Variants in BAALC observed in about 807,000 individuals in gnomAD.
BAALC encodes BAALC binder of MAP3K1 and KLF4.
BAALC carries 9 observed loss-of-function variants against 15.5 expected under a neutral mutation model. The observed-to-expected ratio is 0.58, with a 90% CI of 0.35 to 1.02. The LOEUF (loss-of-function observed/expected upper bound fraction) is 1.02, where lower values mean the gene tolerates loss of function less well. Among genes scored for constraint, BAALC ranks in the 50% least tolerant of loss-of-function variants. The probability of loss-of-function intolerance (pLI) is 0.02; values close to 1 mark genes in which losing one functional copy is unlikely to be tolerated. For synonymous variants in BAALC, 80 were observed against 74.6 expected (o/e 1.07, Z -0.37); for missense variants, 201 against 192.4 (o/e 1.04, Z -0.27).
chr8:103,166,118 T>G (rs984180515), intron 1 of BAALC: 7 of 152,658 alleles, frequency 4.6e-5, no homozygotes, highest in African/African-American at 1.7e-4. Flanking sequence ...CAGCGCAGGA[T>G]GAGGACATGT....
intron 1 of BAALC, among the ~76,000 whole-genome samples, chr8:103,203,812 C>T (rs1024119254): frequency 6.6e-6 from 1 of 151,948 alleles, no homozygotes; most frequent in African/African-American, 2.4e-5. Context: ...ACATAAAATA[C>T]TTTATTTATC....
chr8:103,203,338 T>C (rs1812259868), intron 1 of BAALC, among the ~76,000 whole-genome samples: 1 of 152,260 alleles, frequency 6.6e-6, no homozygotes, highest in Admixed American at 6.5e-5. Context: ...CCTTGATCAT[T>C]GCTGTTCAAA....
chr8:103,228,067 A>G lies in BAALC; in HGVS notation c.406A>G (p.Ser136Gly). 1.2e-6 allele frequency: 2 copies of G among 1,613,484 alleles called. No homozygotes were observed. The highest frequency in any genetic ancestry group is 1.7e-6 in the Non-Finnish European group (2 of 1,179,582). Residue 136 changes from serine (S) to glycine (G), a missense_variant, in exon 3 of 3, where the codon AGT becomes GGT. Ser to Gly is a moderately conservative substitution (Grantham distance 56). Transcript: ENST00000309982. ...VTDSIQQMDR[S>G]RRITKNCVN ...AGATAGCATCCAACAGATGGACAGA[A>G]GTCGAAGAATCACAAAGAACTGTGT... is the stretch of plus-strand genomic sequence containing the variant.
At chr8:103,143,485 G>A (rs1365677545) in intron 1 of BAALC, among the ~76,000 whole-genome samples, 1 of 152,166 alleles carries the variant, frequency 6.6e-6, no homozygotes, top group East Asian at 1.9e-4. Flanking sequence ...AGTCCAGACT[G>A]TGAAATCAAC....
intron 1 of BAALC, chr8:103,183,458 C>T: frequency 1.4e-6 from 1 of 702,970 alleles, no homozygotes; most frequent in Non-Finnish European, 2.6e-6. Flanking sequence ...AGCATGGCCA[C>T]ACACCATGTA....
chr8:103,160,067 T>G (rs1811187669), intron 1 of BAALC, among the ~76,000 whole-genome samples: 1 of 152,204 alleles, frequency 6.6e-6, no homozygotes, highest in South Asian at 2.1e-4. Context: ...ACATTATAAG[T>G]AAGAAACTAA....
chr8:103,200,982 G>A (rs1812202696), intron 1 of BAALC, among the ~76,000 whole-genome samples: 3 of 152,040 alleles, frequency 2.0e-5, no homozygotes, highest in African/African-American at 7.2e-5. Context: ...AAAAATTCCA[G>A]TGACTAAGAA....
chr8:103,140,917 G>A lies in BAALC; in HGVS notation c.20G>A (p.Arg7Gln). ...AGGAGGATGGGCTGCGGCGGGAGCC[G>A]GGCGGATGCCATCGAGCCCCGCTAC... MGCGGS[R>Q]ADAIEPRYYE... The change falls in exon 1 of 3, where the codon CGG (arginine) becomes CAG (glutamine). Residue 7 changes from arginine to glutamine, a missense_variant. Physicochemically the swap from Arg to Gln is conservative, Grantham distance 43. Coordinates refer to ENST00000309982, the MANE Select transcript of BAALC (RefSeq NM_024812.3). This position sits in a 1 kb window ranked among gnomAD's most constrained non-coding sequence, Gnocchi z 4.2. The A allele has an allele frequency of 2.6e-6, 4 of 1,519,850 alleles. No homozygotes were observed. The highest frequency in any genetic ancestry group is 2.8e-5 in the East Asian group (1 of 36,216). 94.1% of individuals were successfully genotyped at this position (1,519,850 alleles called of 1,614,324 possible).
intron 1 of BAALC, among the ~76,000 whole-genome samples, chr8:103,164,304 T>C (rs1241075158): frequency 6.6e-6 from 1 of 152,126 alleles, no homozygotes; most frequent in African/African-American, 2.4e-5. Flanking sequence ...AGGATGTCTG[T>C]AAGGAGGTAG....
At chr8:103,182,948 T>C (rs1235656207) in intron 1 of BAALC, among the ~76,000 whole-genome samples, 1 of 152,114 alleles carries the variant, frequency 6.6e-6, no homozygotes, top group East Asian at 1.9e-4. Flanking sequence ...GGCAACACCA[T>C]TCAGAGGCAG....
At chr8:103,145,662 T>C (rs1285530179) in intron 1 of BAALC, among the ~76,000 whole-genome samples, 5 of 152,272 alleles carry the variant, frequency 3.3e-5, no homozygotes, top group African/African-American at 1.2e-4. Flanking sequence ...ATTAAGCTTA[T>C]GATTAGTTAA....
In BAALC at chr8:103,226,183, G is replaced by A. The variant is rs74812007; in HGVS notation, c.328-1806G>A. Among the ~76,000 whole-genome samples the A allele has an allele frequency of 1.2e-3, 184 of 152,312 alleles. 1 individual carries two copies. The highest frequency in any genetic ancestry group is 0.011 in the East Asian group (57 of 5,180). ...CAGGATGTTAGGAAGTGCCCTTGAG[G>A]CCAACGCCTGTGGAAAGGGATGATG... On this transcript the variant is annotated intron_variant, in intron 2 of 2. Transcript: ENST00000309982.
chr8:103,196,839 G>A (rs1042406998), intron 1 of BAALC, among the ~76,000 whole-genome samples: 10 of 152,202 alleles, frequency 6.6e-5, no homozygotes, highest in African/African-American at 2.4e-4. Context: ...AATGAGCCTC[G>A]TGGTGGCTTC....
At chr8:103,165,502 T>C (rs993741166) in intron 1 of BAALC, 1 of 152,160 alleles carries the variant, frequency 6.6e-6, no homozygotes, top group Non-Finnish European at 1.5e-5. Flanking sequence ...GGAAGAAGCT[T>C]GGAGCTGAAA....
chr8:103,160,790 G>A (rs543237295), intron 1 of BAALC, among the ~76,000 whole-genome samples: 13 of 152,222 alleles, frequency 8.5e-5, no homozygotes, highest in South Asian at 4.2e-4. Context: ...CACCCAGCAC[G>A]GGAGAAAGAT....
At chr8:103,184,997 G>A (rs1240542035) in intron 1 of BAALC, among the ~76,000 whole-genome samples, 3 of 152,144 alleles carry the variant, frequency 2.0e-5, no homozygotes, top group Admixed American at 2.0e-4. Flanking sequence ...ACGGTGACAT[G>A]ATGGGCAGTG....
chr8:103,157,380 G>A lies in BAALC; in HGVS notation c.160+16323G>A, dbSNP rs552522393. Among the ~76,000 whole-genome samples the A allele has an allele frequency of 3.9e-5, 6 of 152,062 alleles. No individual in the cohort carries two copies. In the East Asian group the frequency reaches 7.7e-4, roughly 20 times the overall value. ...CCCACGTATCCATCACAGCTTCAAC[G>A]CATTGCAAATCTTGTTTCATCTCTG... On this transcript the variant is annotated intron_variant, in intron 1 of 2. Coordinates refer to ENST00000309982, the MANE Select transcript of BAALC (RefSeq NM_024812.3).
At chr8:103,205,318 G>A (rs1812303645) in intron 1 of BAALC, among the ~76,000 whole-genome samples, 1 of 152,196 alleles carries the variant, frequency 6.6e-6, no homozygotes, top group South Asian at 2.1e-4. Context: ...AGCAAGCTGT[G>A]GACACAGCTA....
At chr8:103,141,327 CG>C in intron 1 of BAALC, 1 of 385,980 alleles carries the variant, frequency 2.6e-6, no homozygotes. Flanking sequence ...GCTCGCTGGT[CG>C]GGAGACCGGT....
Sources: gnomAD v4.1 joint callset for allele counts (sites outside exome capture counted in the v4.1 genomes callset) on GRCh38, gnomAD v4.1.1 for gene constraint, Gnocchi (gnomAD v3.1) non-coding constraint, MANE v1.5 for transcripts, NCBI Gene and HGNC (gene_info 2026-07-23, HGNC 2026-07-21) for gene names.